The following VCPIP1 variants were observed in gnomAD, a reference collection of about 807,000 sequenced individuals.
VCPIP1 encodes deubiquitinating protein VCPIP1.
VCPIP1 carries 8 observed loss-of-function variants against 85.0 expected under a neutral mutation model. The ratio of observed to expected loss-of-function variants is 0.09; its 90% CI spans 0.06 to 0.17. VCPIP1 has a LOEUF of 0.17. Among genes scored for constraint, VCPIP1 ranks in the 10% least tolerant of loss-of-function variants. The pLI is 1.00. For missense variants in VCPIP1, 1,070 were observed against 1,486.3 expected (o/e 0.72, Z 4.61); for synonymous variants, 543 against 544.5 (o/e 1.00, Z 0.04).
intron 2 of VCPIP1, among the ~76,000 whole-genome samples, chr8:66,643,143 C>T (rs1414003565): frequency 6.6e-6 from 1 of 151,484 alleles, no homozygotes; most frequent in Admixed American, 6.6e-5. Flanking sequence ...GCCAACATGG[C>T]GAAACCCCAT....
In VCPIP1 at chr8:66,634,597, T is replaced by G. The variant is rs1810865457; in HGVS notation, c.3573A>C (p.Ser1191=). 1 of 1,614,118 alleles carries G rather than the reference T, an allele frequency of 6.2e-7. No homozygotes were observed. The highest frequency in any genetic ancestry group is 8.5e-7 in the Non-Finnish European group (1 of 1,180,048). The change falls in exon 3 of 3, where the codon TCA becomes TCC. Residue 1191 remains serine, a synonymous_variant. Coordinates refer to ENST00000310421, the MANE Select transcript of VCPIP1 (RefSeq NM_025054.5). ...CCACGGAATTTCCCCTTTGTGCTTTTGACCTTGTGGCAAAGGCTGCTCCCA... is the reference window on the plus strand; with the variant it reads ...CCACGGAATTTCCCCTTTGTGCTTTGGACCTTGTGGCAAAGGCTGCTCCCA... ...DALGAAFATR[S]KAQRGNSVEE...
chr8:66,650,155 A>G lies in VCPIP1; in HGVS notation c.2797+1303T>C, dbSNP rs980801873. Among the ~76,000 whole-genome samples, 11 of 152,180 alleles carry G rather than the reference A, an allele frequency of 7.2e-5. 1 individual carries two copies. The highest frequency in any genetic ancestry group is 1.4e-4 in the African/African-American group (6 of 41,456). On this transcript the variant is annotated intron_variant, in intron 2 of 2. Coordinates refer to ENST00000310421, the MANE Select transcript of VCPIP1 (RefSeq NM_025054.5). ...AAAGGAAATATGTACCAATGTACTT[A>G]CAGGTGAAATTATAGTATATCTGAG... is the stretch of plus-strand genomic sequence containing the variant.
rs956207347 is a variant in VCPIP1, at chr8:66,633,578, T to C, written c.*923A>G. ...ATGGATTCTGAAAAAAAAAAAAAAATTTTGGCTCAAAGGGGCATAAATACA... is the reference window on the plus strand; with the variant it reads ...ATGGATTCTGAAAAAAAAAAAAAAACTTTGGCTCAAAGGGGCATAAATACA... On this transcript the variant is annotated 3_prime_UTR_variant, in exon 3 of 3. Coordinates refer to ENST00000310421, the MANE Select transcript of VCPIP1 (RefSeq NM_025054.5). The C allele has an allele frequency of 6.8e-6, 1 of 147,924 alleles. No individual in the cohort carries two copies. Among genetic ancestry groups the C allele is most frequent in the Non-Finnish European group, 1.5e-5 (1 of 66,834 alleles). The allele number at this position is 147,924 out of a possible 1,614,324, so 9.2% of individuals were successfully genotyped here. A position where few individuals can be genotyped will look rare whatever the true frequency, so the allele number is the denominator to read the frequency against.
intron 1 of VCPIP1, among the ~76,000 whole-genome samples, chr8:66,660,234 T>TA (rs1811142258): frequency 6.6e-6 from 1 of 152,232 alleles, no homozygotes. Flanking sequence ...ATTTACTTGG[T>TA]ACCTACTATG....
chr8:66,653,931 A>G (rs1186419228), intron 1 of VCPIP1, among the ~76,000 whole-genome samples: 2 of 152,182 alleles, frequency 1.3e-5, no homozygotes, highest in Non-Finnish European at 2.9e-5. Context: ...TACCCCCTTC[A>G]AAGCAATATG....
At chr8:66,643,328 GA>G (rs113282357) in intron 2 of VCPIP1, among the ~76,000 whole-genome samples, 11 of 138,138 alleles carry the variant, frequency 8.0e-5, no homozygotes, top group East Asian at 2.1e-4. Context: ...ATCTCAGAAA[GA>G]AAAAAAAAAG....
intron 1 of VCPIP1, among the ~76,000 whole-genome samples, chr8:66,659,774 T>C (rs909774064): frequency 1.3e-5 from 2 of 151,892 alleles, no homozygotes; most frequent in Non-Finnish European, 2.9e-5. Flanking sequence ...CTACTAAAAA[T>C]ACAAAAAATT....
chr8:66,645,444 A>T (rs1399685705), intron 2 of VCPIP1, among the ~76,000 whole-genome samples: 1 of 152,054 alleles, frequency 6.6e-6, no homozygotes, highest in Non-Finnish European at 1.5e-5. Flanking sequence ...AGAAAAAGAA[A>T]GCCAATTTTA....
intron 2 of VCPIP1, among the ~76,000 whole-genome samples, chr8:66,639,231 C>T (rs185437297): frequency 2.8e-4 from 43 of 151,532 alleles, no homozygotes; most frequent in Admixed American, 1.2e-3. Flanking sequence ...GCCATCTGTC[C>T]GCCTTGGCCT....
At position 66,658,040 on chromosome 8, in the gene VCPIP1, G is replaced by T. The variant is rs978838632; in HGVS notation, c.2710+6209C>A. ...GAAGGGCTATCAGAAGGCATAGAAAGAATAATAATATGCAGCCAGACACGG... is the reference window on the plus strand; with the variant it reads ...GAAGGGCTATCAGAAGGCATAGAAATAATAATAATATGCAGCCAGACACGG... On this transcript the variant is annotated intron_variant, in intron 1 of 2. Transcript: ENST00000310421. 3.9e-5 allele frequency among the ~76,000 whole-genome samples: 6 copies of T among 152,048 alleles called. No homozygotes were observed. In the East Asian group the frequency reaches 7.7e-4, roughly 20 times the overall value.
At chr8:66,658,034 T>C (rs916065693) in intron 1 of VCPIP1, among the ~76,000 whole-genome samples, 2 of 151,996 alleles carry the variant, frequency 1.3e-5, no homozygotes, top group Admixed American at 6.6e-5. Flanking sequence ...TCAGAAGGCA[T>C]AGAAAGAATA....
Position 66,630,430 on chromosome 8 carries a change from C to T in VCPIP1, c.*4071G>A, listed in dbSNP as rs1288157177. On this transcript the variant is annotated 3_prime_UTR_variant, in exon 3 of 3. Coordinates refer to ENST00000310421, the MANE Select transcript of VCPIP1 (RefSeq NM_025054.5). ...AGTCAAATAAGCCTGAAAATACTGG[C>T]AACCTTTTCAGTCTTGCATTGCTCT... 1 of 152,566 alleles carries T rather than the reference C, an allele frequency of 6.6e-6. No homozygotes were observed. Among genetic ancestry groups the T allele is most frequent in the East Asian group, 1.9e-4 (1 of 5,206 alleles). The allele number at this position is 152,566 out of a possible 1,614,324, so 9.5% of individuals were successfully genotyped here. A position where few individuals can be genotyped will look rare whatever the true frequency, so the allele number is the denominator to read the frequency against.
At chr8:66,646,632 C>A (rs564732207) in intron 2 of VCPIP1, among the ~76,000 whole-genome samples, 1 of 151,880 alleles carries the variant, frequency 6.6e-6, no homozygotes, top group African/African-American at 2.4e-5. Flanking sequence ...CTTGTCTCTA[C>A]GAAAATTACA....
At chr8:66,651,930 A>C (rs1221010441) in intron 1 of VCPIP1, among the ~76,000 whole-genome samples, 1 of 151,098 alleles carries the variant, frequency 6.6e-6, no homozygotes, top group Non-Finnish European at 1.5e-5. Context: ...CTGTAACCCC[A>C]GTACTTTGGG....
intron 1 of VCPIP1, among the ~76,000 whole-genome samples, chr8:66,655,774 T>TA (rs1159539189): frequency 3.9e-5 from 6 of 152,230 alleles, no homozygotes; most frequent in African/African-American, 1.4e-4. Flanking sequence ...GAAAAGCCTC[T>TA]AACAATTATG....
At chr8:66,643,571 G>A (rs1257586813) in intron 2 of VCPIP1, among the ~76,000 whole-genome samples, 2 of 151,150 alleles carry the variant, frequency 1.3e-5, no homozygotes, top group East Asian at 2.0e-4. Flanking sequence ...GCATAGTGAC[G>A]CACACCTCTA....
At chr8:66,644,403 G>A (rs763087340) in intron 2 of VCPIP1, among the ~76,000 whole-genome samples, 1 of 152,066 alleles carries the variant, frequency 6.6e-6, no homozygotes, top group Non-Finnish European at 1.5e-5. Context: ...TGTAATTCAC[G>A]CTATCAACAA....
chr8:66,649,802 A>AC, intron 2 of VCPIP1, among the ~76,000 whole-genome samples: 1 of 152,280 alleles, frequency 6.6e-6, no homozygotes, highest in Middle Eastern at 3.4e-3. Context: ...TGTTTGTCAA[A>AC]ATTCATATAC....
At chr8:66,663,099 A>C (rs1292559077) in intron 1 of VCPIP1, among the ~76,000 whole-genome samples, 2 of 114,376 alleles carry the variant, frequency 1.7e-5, no homozygotes, top group Non-Finnish European at 3.4e-5. Flanking sequence ...GCAAGACTCC[A>C]TCTCAAAAAA....
Sources: allele counts gnomAD v4.1 joint callset (sites outside exome capture counted in the v4.1 genomes callset), GRCh38; gene constraint gnomAD v4.1.1; transcripts MANE v1.5; gene names NCBI Gene and HGNC (gene_info 2026-07-23, HGNC 2026-07-21).